AUTS2: variants seen among roughly 807,000 people sequenced by gnomAD.
AUTS2 encodes autism susceptibility gene 2 protein.
AUTS2 carries 17 observed loss-of-function variants against 112.4 expected under a neutral mutation model. The observed-to-expected ratio is 0.15, with a 90% CI of 0.10 to 0.23. The LOEUF (loss-of-function observed/expected upper bound fraction) is 0.23, where lower values mean the gene tolerates loss of function less well. Ranked by LOEUF, AUTS2 falls within the 10% of genes least tolerant of loss-of-function variation. AUTS2 has a pLI of 1.00. For synonymous variants in AUTS2, 751 were observed against 702.7 expected (o/e 1.07, Z -1.09); for missense variants, 1,510 against 1,701.6 (o/e 0.89, Z 1.98).
At chr7:69,964,160 CT>C (rs905040410) in intron 2 of AUTS2, among the ~76,000 whole-genome samples, 2 of 152,162 alleles carry the variant, frequency 1.3e-5, no homozygotes. Flanking sequence ...CAGTTACAGT[CT>C]TCTCAGGGAG....
rs753110865 is a variant in AUTS2, at chr7:70,790,528, C to T, written c.3312C>T (p.Leu1104=). ...TAAGGAACGACCCGCTCCACCGGCT[C>T]TCGACTCCCCGGCTGTACGAAGCCG... ...FLLRNDPLHR[L]STPRLYEADR... is the part of the protein sequence containing the mutation. The change falls in exon 19 of 19, where the codon CTC becomes CTT. Residue 1104 remains leucine (L), a synonymous_variant. Transcript: ENST00000342771. This position sits in a 1 kb window ranked among gnomAD's most constrained non-coding sequence, Gnocchi z 7.6. 3.7e-6 allele frequency: 6 copies of T among 1,608,986 alleles called. No individual in the cohort carries two copies. The East Asian group carries it at 1.1e-4, about 30-fold the overall frequency.
chr7:69,845,240 T>G (rs1360640389), intron 1 of AUTS2, among the ~76,000 whole-genome samples: 2 of 152,200 alleles, frequency 1.3e-5, no homozygotes, highest in East Asian at 3.9e-4. Flanking sequence ...TTTTTCCTCC[T>G]TTTTATCAGA....
In AUTS2 at chr7:70,787,302, C is replaced by T; in HGVS notation, c.2402C>T (p.Pro801Leu). Residue 801 changes from proline (P) to leucine (L), a missense_variant, in exon 18 of 19, where the codon CCG becomes CTG. By Grantham distance (98) the Pro-to-Leu change is moderately conservative. Coordinates refer to ENST00000342771, the MANE Select transcript of AUTS2 (RefSeq NM_015570.4). ...EPWNRLHRTP[P>L]SFPTPPPWLK... ...TGGAACCGGCTGCACCGAACGCCTC[C>T]GTCGTTCCCGACCCCTCCGCCCTGG... 1.9e-6 allele frequency: 3 copies of T among 1,614,248 alleles called. No individual in the cohort carries two copies. The highest frequency in any genetic ancestry group is 1.1e-5 in the South Asian group (1 of 91,090).
intron 2 of AUTS2, among the ~76,000 whole-genome samples, chr7:69,927,808 GT>G (rs1427063950): frequency 6.6e-6 from 1 of 152,248 alleles, no homozygotes; most frequent in Non-Finnish European, 1.5e-5. Context: ...GGCTTCCACT[GT>G]GGGCACCAAT....
intron 1 of AUTS2, among the ~76,000 whole-genome samples, chr7:69,773,459 A>G (rs1300924818): frequency 1.5e-5 from 2 of 133,930 alleles, no homozygotes; most frequent in Non-Finnish European, 3.3e-5. Flanking sequence ...GGCACAGACC[A>G]AAAAAAAAAA....
intron 4 of AUTS2, among the ~76,000 whole-genome samples, chr7:70,211,581 G>T (rs1450683976): frequency 6.6e-6 from 1 of 151,490 alleles, no homozygotes; most frequent in Admixed American, 6.6e-5. Context: ...CCTGGGAGGC[G>T]GAGGTTGCAG....
At chr7:70,516,804 T>C (rs1295825685) in intron 5 of AUTS2, among the ~76,000 whole-genome samples, 2 of 152,182 alleles carry the variant, frequency 1.3e-5, no homozygotes, top group African/African-American at 4.8e-5. Flanking sequence ...CTTTTTATAA[T>C]ACTGTATGCT....
chr7:70,397,662 C>G (rs1423771450), intron 4 of AUTS2, among the ~76,000 whole-genome samples: 1 of 151,480 alleles, frequency 6.6e-6, no homozygotes, highest in Non-Finnish European at 1.5e-5. Flanking sequence ...TGTATGTACA[C>G]ACACACACAC....
intron 4 of AUTS2, among the ~76,000 whole-genome samples, chr7:70,400,940 C>T (rs1410945339): frequency 6.6e-6 from 1 of 152,072 alleles, no homozygotes; most frequent in Non-Finnish European, 1.5e-5. Flanking sequence ...CTGGCAGCAG[C>T]GTACAAGATG....
intron 2 of AUTS2, among the ~76,000 whole-genome samples, chr7:70,081,916 G>A (rs1295180231): frequency 2.0e-5 from 3 of 150,338 alleles, no homozygotes; most frequent in South Asian, 2.1e-4. Context: ...AAGAAAAAAC[G>A]GTAGATTTTT....
intron 15 of AUTS2, chr7:70,782,937 T>C (rs1791187934): frequency 6.6e-6 from 1 of 152,262 alleles, no homozygotes; most frequent in Non-Finnish European, 1.5e-5. Context: ...GGTTTTTCTC[T>C]GTCAGTGCTG....
intron 13 of AUTS2, chr7:70,776,715 A>C: frequency 3.2e-6 from 1 of 315,296 alleles, no homozygotes. Flanking sequence ...GCTCTTCTGA[A>C]CAGCTGATTT....
intron 2 of AUTS2, among the ~76,000 whole-genome samples, chr7:69,914,132 C>T (rs1301627514): frequency 6.6e-6 from 1 of 152,160 alleles, no homozygotes; most frequent in African/African-American, 2.4e-5. Context: ...CTTATGTCTG[C>T]ACCTTCTGCT....
intron 4 of AUTS2, among the ~76,000 whole-genome samples, chr7:70,163,561 G>T (rs150328697): frequency 1.3e-5 from 2 of 152,080 alleles, no homozygotes; most frequent in South Asian, 4.2e-4. Context: ...TAGCTGCTGT[G>T]GGGGAAGGAC....
At chr7:70,651,512 C>T (rs982599507) in intron 5 of AUTS2, among the ~76,000 whole-genome samples, 2 of 152,204 alleles carry the variant, frequency 1.3e-5, no homozygotes, top group South Asian at 2.1e-4. Flanking sequence ...CCCTTAAACA[C>T]GCTCAAAACA....
chr7:70,784,212 A>C (rs1176231801), intron 15 of AUTS2: 1 of 152,160 alleles, frequency 6.6e-6, no homozygotes, highest in African/African-American at 2.4e-5. Flanking sequence ...CCTAAAACCT[A>C]ATTGAGCTCA....
At chr7:70,266,886 C>G (rs982483494) in intron 4 of AUTS2, among the ~76,000 whole-genome samples, 3 of 152,190 alleles carry the variant, frequency 2.0e-5, no homozygotes, top group East Asian at 1.9e-4. Context: ...AGAAACAAAT[C>G]TGCACTTCCA....
At chr7:70,601,256 T>C (rs1488753622) in intron 5 of AUTS2, among the ~76,000 whole-genome samples, 1 of 152,240 alleles carries the variant, frequency 6.6e-6, no homozygotes, top group Non-Finnish European at 1.5e-5. Context: ...TTAGTTTGCA[T>C]TTCCCTAATG....
chr7:69,651,858 C>A (rs1795304739), intron 1 of AUTS2, among the ~76,000 whole-genome samples: 1 of 152,110 alleles, frequency 6.6e-6, no homozygotes, highest in East Asian at 1.9e-4. Flanking sequence ...GAAAAAGACC[C>A]CCACACATAT....
Sources: gnomAD v4.1 joint callset for allele counts (sites outside exome capture counted in the v4.1 genomes callset) on GRCh38, gnomAD v4.1.1 for gene constraint, Gnocchi (gnomAD v3.1) non-coding constraint, MANE v1.5 for transcripts, NCBI Gene and HGNC (gene_info 2026-07-23, HGNC 2026-07-21) for gene names.